MLLT3: variants seen among roughly 807,000 people sequenced by gnomAD.
MLLT3 encodes the protein MLLT3 super elongation complex subunit, also known as protein AF-9.
A neutral mutation model predicts 53.2 loss-of-function variants in MLLT3; 4 were observed. The ratio of observed to expected loss-of-function variants is 0.08; its 90% CI spans 0.04 to 0.17. The LOEUF (loss-of-function observed/expected upper bound fraction) is 0.17. MLLT3 is among the 10% of genes least tolerant of loss of function. MLLT3 has a pLI of 1.00. For missense variants in MLLT3, 569 were observed against 684.0 expected (o/e 0.83, Z 1.87); for synonymous variants, 283 against 230.6 (o/e 1.23, Z -2.06).
chr9:20,580,652 A>C (rs970680862), intron 2 of MLLT3, among the ~76,000 whole-genome samples: 1 of 152,182 alleles, frequency 6.6e-6, no homozygotes, highest in Non-Finnish European at 1.5e-5. Flanking sequence ...CTTGAAATAT[A>C]ATATAGTTTT....
intron 2 of MLLT3, among the ~76,000 whole-genome samples, chr9:20,466,403 G>A (rs1824239066): frequency 6.6e-6 from 1 of 152,124 alleles, no homozygotes; most frequent in African/African-American, 2.4e-5. Flanking sequence ...AACAAAATCT[G>A]AAACCACTGT....
intron 5 of MLLT3, among the ~76,000 whole-genome samples, chr9:20,404,197 C>T (rs977945722): frequency 8.5e-5 from 13 of 152,174 alleles, no homozygotes; most frequent in Admixed American, 3.9e-4. Context: ...AAGCGTTAGG[C>T]CAAATAGGAA....
chr9:20,373,808 CAGAA>C (rs1401938056), intron 5 of MLLT3, among the ~76,000 whole-genome samples: 2 of 151,968 alleles, frequency 1.3e-5, no homozygotes, highest in African/African-American at 4.8e-5. Flanking sequence ...CACAAATATC[CAGAA>C]AGACTGTGGA....
At chr9:20,353,171 T>C (rs898763203) in intron 10 of MLLT3, among the ~76,000 whole-genome samples, 1 of 152,196 alleles carries the variant, frequency 6.6e-6, no homozygotes, top group Non-Finnish European at 1.5e-5. Flanking sequence ...TATCACTGTT[T>C]TCCCATGAAA....
intron 10 of MLLT3, among the ~76,000 whole-genome samples, chr9:20,351,937 C>T (rs190803486): frequency 6.6e-6 from 1 of 152,214 alleles, no homozygotes; most frequent in Non-Finnish European, 1.5e-5. Context: ...GAGCTTTCAA[C>T]CGGCCTGGGA....
At chr9:20,582,329 A>G (rs892102541) in intron 2 of MLLT3, among the ~76,000 whole-genome samples, 2 of 152,226 alleles carry the variant, frequency 1.3e-5, no homozygotes, top group African/African-American at 4.8e-5. Context: ...GTAACCACTC[A>G]TAACAGTATC....
intron 4 of MLLT3, among the ~76,000 whole-genome samples, chr9:20,442,611 T>G (rs1187500943): frequency 6.6e-6 from 1 of 152,158 alleles, no homozygotes; most frequent in Non-Finnish European, 1.5e-5. Context: ...TCATTCCAAA[T>G]CCTTGTAATA....
chr9:20,360,641 G>T, intron 8 of MLLT3, 101 bp downstream of exon 8: 1 of 925,610 alleles, frequency 1.1e-6, no homozygotes, highest in Non-Finnish European at 1.8e-6. Flanking sequence ...GCATCAAGAG[G>T]AAGTTTGTTT....
intron 5 of MLLT3, among the ~76,000 whole-genome samples, chr9:20,406,961 A>T (rs1175257587): frequency 6.6e-6 from 1 of 152,210 alleles, no homozygotes; most frequent in Non-Finnish European, 1.5e-5. Context: ...CACTGCTTGC[A>T]AAGTTTACAG....
chr9:20,508,340 A>T (rs1825436620), intron 2 of MLLT3, among the ~76,000 whole-genome samples: 2 of 152,196 alleles, frequency 1.3e-5, no homozygotes, highest in African/African-American at 2.4e-5. Flanking sequence ...AACACTCTGC[A>T]TCATGTATCC....
intron 2 of MLLT3, among the ~76,000 whole-genome samples, chr9:20,605,360 T>C (rs1563840633): frequency 6.6e-6 from 1 of 151,990 alleles, no homozygotes; most frequent in African/African-American, 2.4e-5. Flanking sequence ...ATTTCAGACA[T>C]CTAGCTAATT....
chr9:20,585,956 T>C (rs10757141), intron 2 of MLLT3, among the ~76,000 whole-genome samples: 61,664 of 151,996 alleles, frequency 0.41, 13,196 homozygotes, highest in Non-Finnish European at 0.49. Context: ...GATGGATTGG[T>C]TAGAGACCTG....
intron 2 of MLLT3, among the ~76,000 whole-genome samples, chr9:20,580,021 C>A (rs1819751980): frequency 6.6e-6 from 1 of 152,276 alleles, no homozygotes; most frequent in Middle Eastern, 3.4e-3. Flanking sequence ...TTACACTAAA[C>A]AGGCCCATTA....
At chr9:20,514,748 G>A (rs995723290) in intron 2 of MLLT3, among the ~76,000 whole-genome samples, 3 of 152,032 alleles carry the variant, frequency 2.0e-5, no homozygotes, top group African/African-American at 7.2e-5. Context: ...TTGAAAAGGA[G>A]TCGTTTGAGG....
intron 2 of MLLT3, among the ~76,000 whole-genome samples, chr9:20,528,908 G>C (rs983649922): frequency 1.3e-5 from 2 of 152,202 alleles, no homozygotes; most frequent in African/African-American, 4.8e-5. Flanking sequence ...ATTCTCATCA[G>C]TTAATATACA....
intron 2 of MLLT3, among the ~76,000 whole-genome samples, chr9:20,457,396 T>A (rs371428698): frequency 1.1e-4 from 17 of 151,872 alleles, no homozygotes; most frequent in African/African-American, 3.9e-4. Context: ...ATTACAGGCA[T>A]GCGTCACCAC....
rs373417849 is a variant in MLLT3 at position 20,530,585 on chromosome 9, T to C, written c.194-73799A>G. ...CAGAAATCCGTACCTATATTATGTC[T>C]TGTTCTCTGGTAAATACATGCATAA... On this transcript the variant is annotated intron_variant, in intron 2 of 10. Transcript: ENST00000380338. Among the ~76,000 whole-genome samples, 3 of 152,350 alleles carry C rather than the reference T, an allele frequency of 2.0e-5. No individual in the cohort carries two copies. The East Asian group carries it at 5.8e-4, about 29-fold the overall frequency.
chr9:20,389,220 A>C (rs189608760), intron 5 of MLLT3, among the ~76,000 whole-genome samples: 11 of 152,326 alleles, frequency 7.2e-5, no homozygotes, highest in African/African-American at 2.4e-4. Flanking sequence ...GTACAACATA[A>C]GTAAGTCCTG....
At chr9:20,519,277 T>A (rs1587017494) in intron 2 of MLLT3, among the ~76,000 whole-genome samples, 1 of 152,184 alleles carries the variant, frequency 6.6e-6, no homozygotes, top group South Asian at 2.1e-4. Context: ...TTTACAAAAG[T>A]TTTTACAAAA....
Sources: gnomAD v4.1 joint callset for allele counts (sites outside exome capture counted in the v4.1 genomes callset) on GRCh38, gnomAD v4.1.1 for gene constraint, MANE v1.5 for transcripts, NCBI Gene and HGNC (gene_info 2026-07-23, HGNC 2026-07-21) for gene names.